RNF10: variants seen among roughly 807,000 people sequenced by gnomAD.
RNF10 encodes the protein E3 ubiquitin-protein ligase RNF10.
A neutral mutation model predicts 91.4 loss-of-function variants in RNF10; 38 were observed. The ratio of observed to expected loss-of-function variants is 0.42; its 90% CI spans 0.32 to 0.54. RNF10 has a LOEUF of 0.54. Ranked by LOEUF, RNF10 falls within the 20% of genes least tolerant of loss-of-function variation. The pLI, the probability that RNF10 is intolerant of heterozygous loss-of-function variation, is 0.16. For synonymous variants in RNF10, 364 were observed against 366.3 expected (o/e 0.99, Z 0.07); for missense variants, 945 against 1,012.0 (o/e 0.93, Z 0.90).
chr12:120,566,871 C>T lies in RNF10; in HGVS notation c.1932C>T (p.Ala644=). The stretch of plus-strand genomic sequence containing the variant: ...TCGAGAATCTACAGCAGTTTCCTGC[C>T]TTCAATTCTTATACCTGCTCCTCTG... ...IPLENLQQFP[A]FNSYTCSSDS... is the part of the protein sequence containing the mutation. The change falls in exon 13 of 17, where the codon GCC becomes GCT. Residue 644 remains alanine, a synonymous_variant. Transcript: ENST00000325954. The T allele has an allele frequency of 1.9e-6, 3 of 1,613,994 alleles. No individual in the cohort carries two copies. Among genetic ancestry groups the T allele is most frequent in the Non-Finnish European group, 1.7e-6 (2 of 1,179,948 alleles).
At chr12:120,539,497 G>GA in intron 1 of RNF10, 1 of 1,123,846 alleles carries the variant, frequency 8.9e-7, no homozygotes, top group East Asian at 5.8e-5. Flanking sequence ...ATTACAGCAT[G>GA]AATCAGCAGC....
chr12:120,571,298 C>G lies in RNF10; in HGVS notation c.2142+7C>G, dbSNP rs1191665220. ...CTTCCCTTCCTTTGCCCAGGTAAAT[C>G]CTTTGCTTGTGAAGCAGCCCAGGGG... On this transcript the variant is annotated splice_region_variant and intron_variant, in intron 14 of 16. Coordinates refer to ENST00000325954, the MANE Select transcript of RNF10 (RefSeq NM_014868.5). The G allele has an allele frequency of 6.2e-7, 1 of 1,603,236 alleles. No homozygotes were observed. Among genetic ancestry groups the G allele is most frequent in the South Asian group, 1.1e-5 (1 of 90,880 alleles).
rs1051562355 is a variant in RNF10, at chr12:120,576,902, A to G, written c.*236A>G. The G allele has an allele frequency of 5.6e-5, 27 of 483,716 alleles. No individual in the cohort carries two copies. Among genetic ancestry groups the G allele is most frequent in the Non-Finnish European group, 8.0e-5 (22 of 274,640 alleles). 30.0% of individuals were successfully genotyped at this position (483,716 alleles called of 1,614,324 possible). ...TGACACAAGAGATCTCTTCCTGCCA[A>G]GGTTTTTAGTTCATTGCCAGTTTAG... On this transcript the variant is annotated 3_prime_UTR_variant, in exon 17 of 17. Transcript: ENST00000325954.
At chr12:120,546,903 G>A (rs1467271399) in intron 2 of RNF10, among the ~76,000 whole-genome samples, 2 of 152,016 alleles carry the variant, frequency 1.3e-5, no homozygotes, top group African/African-American at 4.8e-5. Context: ...GAATATTTAG[G>A]TAATAAAATG....
intron 1 of RNF10, chr12:120,539,411 T>C (rs1184148793): frequency 7.8e-7 from 1 of 1,289,102 alleles, no homozygotes; most frequent in Admixed American, 2.3e-5. Flanking sequence ...CAGTTGATTC[T>C]GTAGTAAGGC....
rs1870458620 is a variant in RNF10, at chr12:120,534,652, T to A, written c.-160T>A. On this transcript the variant is annotated 5_prime_UTR_variant, in exon 1 of 17. Transcript: ENST00000325954. Reference sequence around the variant, plus strand: ...TAACAGCCCCGTCCGCCGCTTCTCTTCCTAGTTTGAGAAGCCAAGGAAGGA... The same window carrying A: ...TAACAGCCCCGTCCGCCGCTTCTCTACCTAGTTTGAGAAGCCAAGGAAGGA... The A allele has an allele frequency of 7.4e-6, 10 of 1,357,100 alleles. No homozygotes were observed. The highest frequency in any genetic ancestry group is 9.4e-6 in the Non-Finnish European group (10 of 1,062,016). The allele number at this position is 1,357,100 out of a possible 1,614,324, so 84.1% of individuals were successfully genotyped here.
Position 120,535,055 on chromosome 12 carries a change from G to T in RNF10, c.157+87G>T. ...GCTCTCATCGGCTGGGTTACTCGGG[G>T]ACAGGCTCCACTTTCTTTTATAGCT... On this transcript the variant is annotated intron_variant, in intron 1 of 16. Transcript: ENST00000325954. 2.1e-6 allele frequency: 3 copies of T among 1,396,418 alleles called. No individual in the cohort carries two copies. The South Asian group carries it at 4.3e-5, about 20-fold the overall frequency. The allele number at this position is 1,396,418 out of a possible 1,614,324, so 86.5% of individuals were successfully genotyped here.
chr12:120,576,514 C>T, intron 16 of RNF10, 76 bp from the exon 17 acceptor site: 3 of 1,549,772 alleles, frequency 1.9e-6, no homozygotes, highest in African/African-American at 1.4e-5. Context: ...CACTCTGTGA[C>T]TCTCAGTAAT....
chr12:120,553,829 G>A (rs1873551697), intron 3 of RNF10: 1 of 151,850 alleles, frequency 6.6e-6, no homozygotes, highest in Admixed American at 6.6e-5. Context: ...ATTTGACTTT[G>A]GATCTAGACT....
intron 2 of RNF10, among the ~76,000 whole-genome samples, chr12:120,552,001 A>G (rs1411608353): frequency 6.6e-6 from 1 of 151,374 alleles, no homozygotes; most frequent in Non-Finnish European, 1.5e-5. Context: ...GCATAAGAGG[A>G]AATGCTACAT....
At position 120,563,494 on chromosome 12, in the gene RNF10, G is replaced by A; in HGVS notation, c.1402G>A (p.Asp468Asn). 1 of 1,614,160 alleles carries A rather than the reference G, an allele frequency of 6.2e-7. No homozygotes were observed. Among genetic ancestry groups the A allele is most frequent in the South Asian group, 1.1e-5 (1 of 91,088 alleles). Residue 468 changes from aspartate to asparagine, a missense_variant, in exon 9 of 17, where the codon GAT (aspartate) becomes AAT (asparagine). Asp to Asn is a conservative substitution (Grantham distance 23). Coordinates refer to ENST00000325954, the MANE Select transcript of RNF10 (RefSeq NM_014868.5). ...GCCTGAGGGGTTGCCAGAGGCCTGT[G>A]ATGACTTGGAGTTAGCAGATGACAA... ...PEPEGLPEACDDLELADDNLK... is the reference protein window; with the variant it reads ...PEPEGLPEACNDLELADDNLK...
chr12:120,557,526 T>A lies in RNF10; in HGVS notation c.831-20T>A. On this transcript the variant is annotated intron_variant, in intron 5 of 16. Coordinates refer to ENST00000325954, the MANE Select transcript of RNF10 (RefSeq NM_014868.5). ...TCTCTTCACTCCTTGCCCTGCTACA[T>A]ATGAGTGTCCATGTTTCAGTGTTGT... 5.0e-6 allele frequency: 8 copies of A among 1,614,186 alleles called. No individual in the cohort carries two copies. Among genetic ancestry groups the A allele is most frequent in the Non-Finnish European group, 5.9e-6 (7 of 1,180,010 alleles).
In RNF10 at chr12:120,577,070, CCT is replaced by C. The variant is rs1877491161; in HGVS notation, c.*408_*409del. The C allele has an allele frequency of 4.9e-6, 2 of 411,068 alleles. No homozygotes were observed. The highest frequency in any genetic ancestry group is 2.1e-5 in the African/African-American group (1 of 48,292). 25.5% of individuals were successfully genotyped at this position (411,068 alleles called of 1,614,324 possible). A position where few individuals can be genotyped will look rare whatever the true frequency, so the allele number is the denominator to read the frequency against. ...GTCAGGGCTTCCTGGACTCAGTACACCTCTCAGTTTGTCTTTTAAAAAACAGC... is the reference window on the plus strand; with the variant it reads ...GTCAGGGCTTCCTGGACTCAGTACACCTCAGTTTGTCTTTTAAAAAACAGC... On this transcript the variant is annotated 3_prime_UTR_variant, in exon 17 of 17. Transcript: ENST00000325954.
intron 13 of RNF10, among the ~76,000 whole-genome samples, chr12:120,567,346 AAC>A (rs1491066269): frequency 4.6e-5 from 7 of 152,016 alleles, no homozygotes; most frequent in African/African-American, 1.2e-4. Context: ...AAAAAAAAAA[AAC>A]AGTTTAGAAA....
At chr12:120,549,512 C>T (rs1413950981) in intron 2 of RNF10, among the ~76,000 whole-genome samples, 1 of 152,128 alleles carries the variant, frequency 6.6e-6, no homozygotes, top group Non-Finnish European at 1.5e-5. Flanking sequence ...GGGCCGGGCG[C>T]AGTGGCTCAC....
intron 7 of RNF10, among the ~76,000 whole-genome samples, chr12:120,562,598 T>C (rs1459771252): frequency 1.3e-5 from 2 of 152,146 alleles, no homozygotes; most frequent in African/African-American, 2.4e-5. Context: ...AGTAGAATGA[T>C]TTATATTCCT....
chr12:120,576,611 GAAAA>G lies in RNF10; in HGVS notation c.2385_2388del (p.Lys795AsnfsTer46). 6.2e-7 allele frequency: 1 copy of G among 1,613,568 alleles called. No homozygotes were observed. Among genetic ancestry groups the G allele is most frequent in the Non-Finnish European group, 8.5e-7 (1 of 1,179,808 alleles). On this transcript the variant is annotated frameshift_variant, in exon 17 of 17. Transcript: ENST00000325954. LOFTEE classifies it high-confidence loss of function. ...TTAGAAGAGAAAGGAGGAAAGAAAA[GAAAA>G]AAACAGAAACAGAAGCTCCTGTTCA...
In RNF10 at chr12:120,534,947, G is replaced by C. The variant is rs773560714; in HGVS notation, c.136G>C (p.Gly46Arg). 2.5e-6 allele frequency: 4 copies of C among 1,601,194 alleles called. No individual in the cohort carries two copies. Among genetic ancestry groups the C allele is most frequent in the Admixed American group, 1.7e-5 (1 of 59,784 alleles). ...PPRSASAGPA[G>R]ESKPKSDGKN... ...CCGCTCCGCCTCGGCGGGGCCAGCC[G>C]GCGAGTCTAAACCCAAGAGCGGTAA... Residue 46 changes from glycine (G) to arginine (R), a missense_variant, in exon 1 of 17, where the codon GGC becomes CGC. Transcript: ENST00000325954.
intron 7 of RNF10, among the ~76,000 whole-genome samples, chr12:120,562,228 T>G (rs1565962625): frequency 6.6e-6 from 1 of 151,592 alleles, no homozygotes; most frequent in Non-Finnish European, 1.5e-5. Flanking sequence ...CACTTAGAAG[T>G]GAGAACATGT....
Sources: gnomAD v4.1 joint callset for allele counts (sites outside exome capture counted in the v4.1 genomes callset) on GRCh38, gnomAD v4.1.1 for gene constraint, MANE v1.5 for transcripts, NCBI Gene and HGNC (gene_info 2026-07-23, HGNC 2026-07-21) for gene names.